DMD: variants seen among roughly 807,000 people sequenced by gnomAD.
DMD encodes the protein mutant dystrophin.
DMD carries 63 observed loss-of-function variants against 330.1 expected under a neutral mutation model. The observed-to-expected ratio is 0.19, with a 90% CI of 0.16 to 0.24. DMD has a LOEUF of 0.24. DMD is among the 10% of genes least tolerant of loss of function. The pLI, the probability that DMD is intolerant of heterozygous loss-of-function variation, is 1.00. For synonymous variants in DMD, 1,223 were observed against 959.8 expected (o/e 1.27, Z -5.07); for missense variants, 3,344 against 2,684.1 (o/e 1.25, Z -5.43).
intron 4 of DMD, among the ~76,000 whole-genome samples, chrX:32,837,964 C>T (rs2079804000): frequency 8.9e-6 from 1 of 111,817 alleles, no homozygotes. Flanking sequence ...ATTGATAATG[C>T]TCATATTTTA....
chrX:31,768,229 A>G (rs1325516422), intron 51 of DMD, among the ~76,000 whole-genome samples: 3 of 111,333 alleles, frequency 2.7e-5, no homozygotes, highest in Non-Finnish European at 5.7e-5. Flanking sequence ...ATGAAAAATA[A>G]TATCATATGG....
intron 47 of DMD, among the ~76,000 whole-genome samples, chrX:31,894,771 A>G (rs1355100475): frequency 8.9e-6 from 1 of 111,856 alleles, no homozygotes; most frequent in Non-Finnish European, 1.9e-5. Context: ...AGATACTGCG[A>G]CTTTGTAATG....
chrX:32,196,986 CAAAAAAAA>C (rs71872245), intron 44 of DMD, among the ~76,000 whole-genome samples: 6 of 49,640 alleles, frequency 1.2e-4, no homozygotes, highest in Non-Finnish European at 2.0e-4. Flanking sequence ...GACTCCATCT[CAAAAAAAA>C]AAAAAAAAAA....
chrX:32,181,985 A>C (rs769676533), intron 44 of DMD, among the ~76,000 whole-genome samples: 2 of 112,194 alleles, frequency 1.8e-5, no homozygotes, highest in Non-Finnish European at 3.8e-5. Context: ...GTTGCATTTA[A>C]TTTCCAGTTT....
chrX:32,385,422 A>T (rs1159772215), intron 33 of DMD, among the ~76,000 whole-genome samples: 1 of 110,994 alleles, frequency 9.0e-6, no homozygotes, highest in African/African-American at 3.3e-5. Context: ...TCAAGACTTA[A>T]AACCTGAACC....
intron 62 of DMD, among the ~76,000 whole-genome samples, chrX:31,273,410 CATTTT>C (rs1204460800): frequency 2.7e-5 from 3 of 112,063 alleles, no homozygotes; most frequent in East Asian, 2.8e-4. Flanking sequence ...AGGTTCATTT[CATTTT>C]GAGTCTTTTT....
chrX:31,645,634 T>C (rs948791345), intron 54 of DMD, among the ~76,000 whole-genome samples: 2 of 112,495 alleles, frequency 1.8e-5, no homozygotes, highest in African/African-American at 3.2e-5. Flanking sequence ...CTATATGCTA[T>C]GCTATCTATC....
At chrX:31,751,847 A>G (rs1360640864) in intron 51 of DMD, among the ~76,000 whole-genome samples, 3 of 112,311 alleles carry the variant, frequency 2.7e-5, no homozygotes, top group Non-Finnish European at 5.6e-5. Context: ...ATTATCTTAC[A>G]ATTTTGGAGG....
At chrX:32,887,452 A>G (rs750023594) in intron 2 of DMD, among the ~76,000 whole-genome samples, 3 of 110,006 alleles carry the variant, frequency 2.7e-5, no homozygotes, top group African/African-American at 9.9e-5. Context: ...AACTAAAACT[A>G]CTAGAAGAAA....
intron 7 of DMD, among the ~76,000 whole-genome samples, chrX:32,763,181 C>T (rs1401770974): frequency 1.8e-5 from 2 of 111,559 alleles, no homozygotes; most frequent in Non-Finnish European, 3.8e-5. Flanking sequence ...AGGACCATTT[C>T]TATAATGATC....
At chrX:32,941,324 T>C (rs2090399257) in intron 2 of DMD, among the ~76,000 whole-genome samples, 2 of 111,803 alleles carry the variant, frequency 1.8e-5, no homozygotes, top group African/African-American at 6.5e-5. Flanking sequence ...TAAATAAAAT[T>C]GTTTTAACAT....
intron 9 of DMD, among the ~76,000 whole-genome samples, chrX:32,655,300 C>A (rs1049464453): frequency 2.7e-5 from 3 of 112,386 alleles, no homozygotes; most frequent in African/African-American, 9.7e-5. Flanking sequence ...CCTCTACACA[C>A]TGCTTTAAAT....
chrX:31,851,287 T>TA lies in DMD; in HGVS notation c.7099-14469dup, dbSNP rs200485120. Among the ~76,000 whole-genome samples, 759 of 104,143 alleles carry TA rather than the reference T, an allele frequency of 7.3e-3. 5 individuals are homozygous for TA. The highest frequency in any genetic ancestry group is 9.7e-3 in the Non-Finnish European group (487 of 50,352). The allele number at this position is 104,143 out of a possible 115,157, so 90.4% of individuals were successfully genotyped here. On this transcript the variant is annotated intron_variant, in intron 48 of 78. Coordinates refer to ENST00000357033, the MANE Select transcript of DMD (RefSeq NM_004006.3). ...AAGGGCAGCTCACCAAAGGGAGACT[T>TA]AAAAAAAAAAAACTTAGAGATTTAT...
intron 64 of DMD, among the ~76,000 whole-genome samples, chrX:31,210,419 A>C (rs756485941): frequency 2.7e-5 from 3 of 112,176 alleles, no homozygotes; most frequent in Non-Finnish European, 5.6e-5. Context: ...AATTCCCTTG[A>C]TCTGAGGAGG....
chrX:33,330,655 T>G (rs1364157379), intron 1 of DMD, among the ~76,000 whole-genome samples: 2 of 112,112 alleles, frequency 1.8e-5, no homozygotes, highest in South Asian at 7.4e-4. Context: ...TTAATATCAT[T>G]GTATGCAACT....
chrX:33,004,504 T>G (rs953418309), intron 2 of DMD, among the ~76,000 whole-genome samples: 1 of 111,883 alleles, frequency 8.9e-6, no homozygotes, highest in African/African-American at 3.2e-5. Flanking sequence ...TGTTAGTTTT[T>G]ATTGAAAATT....
At chrX:33,195,981 G>A (rs1162867407) in intron 1 of DMD, among the ~76,000 whole-genome samples, 2 of 111,475 alleles carry the variant, frequency 1.8e-5, no homozygotes, top group African/African-American at 3.3e-5. Flanking sequence ...GTCAGAAGCC[G>A]AGAAGCAAAC....
At chrX:31,432,224 G>T (rs2064143392) in intron 60 of DMD, among the ~76,000 whole-genome samples, 1 of 111,789 alleles carries the variant, frequency 8.9e-6, no homozygotes, top group South Asian at 3.7e-4. Context: ...TGTCTAGAAA[G>T]AAATTTGGTT....
At position 33,095,175 on chromosome X, in the gene DMD, T is replaced by C. The variant is rs962153347; in HGVS notation, c.32-74975A>G. ...AACACACATATGACAACGTTTTGAATATTTAAACAAAAGCAAATGACTTGC... is the reference window on the plus strand; with the variant it reads ...AACACACATATGACAACGTTTTGAACATTTAAACAAAAGCAAATGACTTGC... On this transcript the variant is annotated intron_variant, in intron 1 of 78. Transcript: ENST00000357033. Among the ~76,000 whole-genome samples the C allele has an allele frequency of 1.7e-4, 19 of 112,693 alleles. No individual in the cohort carries two copies. The Admixed American group carries it at 1.8e-3, about 11-fold the overall frequency.
Sources: allele counts gnomAD v4.1 joint callset (sites outside exome capture counted in the v4.1 genomes callset), GRCh38; gene constraint gnomAD v4.1.1; transcripts MANE v1.5; gene names NCBI Gene and HGNC (gene_info 2026-07-23, HGNC 2026-07-21).